Variants in TTC28 observed in about 807,000 individuals in gnomAD.
TTC28 encodes the protein tetratricopeptide repeat protein 28.
Under a neutral mutation model 198.0 loss-of-function variants are expected in TTC28, and 61 were observed. That is an observed-to-expected ratio of 0.31 (90% CI 0.25 to 0.38). The LOEUF (loss-of-function observed/expected upper bound fraction) is 0.38. Among genes scored for constraint, TTC28 ranks in the 10% least tolerant of loss-of-function variants. TTC28 has a pLI of 1.00. For missense variants in TTC28, 2,678 were observed against 3,164.0 expected (o/e 0.85, Z 3.69); for synonymous variants, 1,171 against 1,297.8 (o/e 0.90, Z 2.10).
intron 2 of TTC28, among the ~76,000 whole-genome samples, chr22:28,349,067 CAGG>C (rs2045951628): frequency 6.6e-6 from 1 of 152,100 alleles, no homozygotes; most frequent in Non-Finnish European, 1.5e-5. Context: ...TGTCAGCAGA[CAGG>C]AGGAGAAGGC....
chr22:28,664,788 T>C (rs2145702427), intron 1 of TTC28, among the ~76,000 whole-genome samples: 1 of 28,840 alleles, frequency 3.5e-5, no homozygotes, highest in East Asian at 6.5e-4. Context: ...ATTCAGGAAG[T>C]ACAGAGAACA....
chr22:28,260,650 C>CA (rs1931252450), intron 5 of TTC28, among the ~76,000 whole-genome samples: 1 of 152,104 alleles, frequency 6.6e-6, no homozygotes, highest in Non-Finnish European at 1.5e-5. Context: ...CAAACAACAG[C>CA]AATAAAACCT....
intron 5 of TTC28, among the ~76,000 whole-genome samples, chr22:28,209,148 C>T (rs911957322): frequency 2.0e-5 from 3 of 152,216 alleles, no homozygotes; most frequent in Non-Finnish European, 4.4e-5. Flanking sequence ...TTGTACTTCT[C>T]TGCACTTCAG....
chr22:28,526,946 T>C (rs755733572), intron 2 of TTC28, among the ~76,000 whole-genome samples: 6 of 151,874 alleles, frequency 4.0e-5, no homozygotes, highest in African/African-American at 9.7e-5. Context: ...TTAGTAGAGA[T>C]AGGGTTTCAC....
intron 5 of TTC28, among the ~76,000 whole-genome samples, chr22:28,191,457 C>G (rs1601451008): frequency 6.6e-6 from 1 of 152,328 alleles, no homozygotes; most frequent in Non-Finnish European, 1.5e-5. Context: ...TCAGTGGGTG[C>G]AGCGCACCGA....
At chr22:28,401,896 T>C (rs906716417) in intron 2 of TTC28, among the ~76,000 whole-genome samples, 4 of 152,226 alleles carry the variant, frequency 2.6e-5, no homozygotes, top group African/African-American at 9.7e-5. Context: ...TAGAAAAAGT[T>C]CCATGCATTT....
At position 28,101,260 on chromosome 22, in the gene TTC28, G is replaced by C. The variant is rs1428300666; in HGVS notation, c.3328C>G (p.Leu1110Val). 24 of 1,551,526 alleles carry C rather than the reference G, an allele frequency of 1.5e-5. No homozygotes were observed. Among genetic ancestry groups the C allele is most frequent in the Non-Finnish European group, 2.1e-5 (24 of 1,146,928 alleles). Residue 1110 changes from leucine to valine, a missense_variant, in exon 9 of 23, where the codon CTG becomes GTG. Physicochemically the swap from Leu to Val is conservative, Grantham distance 32. Around this residue, in one of 8 missense-constraint regions of TTC28, gnomAD observed 727 missense variants for 861.9 expected, o/e 0.84. Transcript: ENST00000397906. ...TTTGCCTCATCTTCTCTTCGGCCCA[G>C]TTGCTCAGCTAACCTTAAACCTGAA... ...LQEGLRLAEQ[L>V]GRREDEAKIR...
chr22:28,266,810 A>C (rs1359619341), intron 5 of TTC28, among the ~76,000 whole-genome samples: 1 of 152,224 alleles, frequency 6.6e-6, no homozygotes, highest in African/African-American at 2.4e-5. Context: ...ATTTTGTCAC[A>C]GAGCATTATT....
chr22:28,206,997 C>T (rs953499054), intron 5 of TTC28, among the ~76,000 whole-genome samples: 4 of 152,110 alleles, frequency 2.6e-5, no homozygotes, highest in African/African-American at 9.7e-5. Context: ...TTCATTCCAA[C>T]ATTTCAACAC....
At chr22:28,104,955 C>T (rs1189046071) in intron 8 of TTC28, among the ~76,000 whole-genome samples, 1 of 152,144 alleles carries the variant, frequency 6.6e-6, no homozygotes, top group Non-Finnish European at 1.5e-5. Flanking sequence ...CTGCTCATTC[C>T]TCAGAGGGTT....
intron 5 of TTC28, among the ~76,000 whole-genome samples, chr22:28,284,056 C>T (rs1399365070): frequency 6.6e-6 from 1 of 152,124 alleles, no homozygotes; most frequent in Admixed American, 6.5e-5. Context: ...CAATATTCTT[C>T]CTCCAAACCA....
At position 28,043,650 on chromosome 22, in the gene TTC28, C is replaced by A. The variant is rs900049386; in HGVS notation, c.3933-13284G>T. On this transcript the variant is annotated intron_variant, in intron 12 of 22. Transcript: ENST00000397906. ...TTTCCTTTAGTGTTCCAAGTTTGCCCTTGGATTTCATGGGACTCCTCACCC... is the reference window on the plus strand; with the variant it reads ...TTTCCTTTAGTGTTCCAAGTTTGCCATTGGATTTCATGGGACTCCTCACCC... Among the ~76,000 whole-genome samples, 4 of 152,022 alleles carry A rather than the reference C, an allele frequency of 2.6e-5. No individual in the cohort carries two copies. In the East Asian group the frequency reaches 7.7e-4, roughly 29 times the overall value.
intron 2 of TTC28, among the ~76,000 whole-genome samples, chr22:28,449,900 A>C (rs917602629): frequency 6.6e-6 from 1 of 152,194 alleles, no homozygotes; most frequent in African/African-American, 2.4e-5. Flanking sequence ...AAAGGAACCA[A>C]GAAGGATTTA....
At chr22:28,025,492 C>T (rs1938794900) in intron 13 of TTC28, among the ~76,000 whole-genome samples, 1 of 152,198 alleles carries the variant, frequency 6.6e-6, no homozygotes, top group Non-Finnish European at 1.5e-5. Context: ...AGATAGTGAT[C>T]AGCAGATGGC....
chr22:28,276,114 T>C (rs1412651077), intron 5 of TTC28, among the ~76,000 whole-genome samples: 1 of 152,002 alleles, frequency 6.6e-6, no homozygotes, highest in Admixed American at 6.6e-5. Context: ...AGGACTCCAA[T>C]GATCTTCCCA....
At chr22:28,326,413 CA>C (rs1221742473) in intron 2 of TTC28, among the ~76,000 whole-genome samples, 1 of 152,056 alleles carries the variant, frequency 6.6e-6, no homozygotes, top group African/African-American at 2.4e-5. Flanking sequence ...ACAAACAAGT[CA>C]ATCTGACTGG....
At position 28,055,291 on chromosome 22, in the gene TTC28, C is replaced by T. The variant is rs531146046; in HGVS notation, c.3933-24925G>A. Reference sequence around the variant, plus strand: ...GAGCACAGGGATACTCAAAGCTACACTCTGAGTCCTCAATAACCTGTAGAA... The same window carrying T: ...GAGCACAGGGATACTCAAAGCTACATTCTGAGTCCTCAATAACCTGTAGAA... On this transcript the variant is annotated intron_variant, in intron 12 of 22. Coordinates refer to ENST00000397906, the MANE Select transcript of TTC28 (RefSeq NM_001145418.2). 3.9e-5 allele frequency among the ~76,000 whole-genome samples: 6 copies of T among 152,284 alleles called. No individual in the cohort carries two copies. In the South Asian group the frequency reaches 1.2e-3, roughly 32 times the overall value.
At chr22:28,640,218 C>T (rs1797355470) in intron 1 of TTC28, among the ~76,000 whole-genome samples, 1 of 150,036 alleles carries the variant, frequency 6.7e-6, no homozygotes, top group Admixed American at 6.7e-5. Context: ...CGTGATCACA[C>T]CACTGCACTC....
At chr22:28,545,877 G>A (rs9625495) in intron 2 of TTC28, among the ~76,000 whole-genome samples, 1 of 152,098 alleles carries the variant, frequency 6.6e-6, no homozygotes, top group Non-Finnish European at 1.5e-5. Context: ...GGGAAGACTC[G>A]ATATTGTTAA....
Sources: gnomAD v4.1 joint callset for allele counts (sites outside exome capture counted in the v4.1 genomes callset) on GRCh38, gnomAD v4.1.1 for gene constraint, gnomAD v4.1.1 regional missense constraint, MANE v1.5 for transcripts, NCBI Gene and HGNC (gene_info 2026-07-23, HGNC 2026-07-21) for gene names.